Variants in IDO2 observed in about 807,000 individuals in gnomAD.
The protein encoded by IDO2 is indoleamine 2,3-dioxygenase 2.
IDO2 carries 46 observed loss-of-function variants against 45.1 expected under a neutral mutation model. The observed-to-expected ratio is 1.02, with a 90% CI of 0.80 to 1.30. The LOEUF is 1.30. Ranked by LOEUF, IDO2 falls within the 50% of genes most tolerant of loss-of-function variation. The probability of loss-of-function intolerance (pLI) is 0.00; values close to 1 mark genes in which losing one functional copy is unlikely to be tolerated. For missense variants in IDO2, 544 were observed against 491.8 expected, an observed-to-expected ratio of 1.11 and a Z score of -1.00; for synonymous variants, 218 against 184.9, an observed-to-expected ratio of 1.18 and a Z score of -1.45.
chr8:39,994,266 T>C lies in IDO2; in HGVS notation c.667+4428T>C, dbSNP rs150215325. Among the ~76,000 whole-genome samples the C allele has an allele frequency of 9.0e-3, 1,358 of 150,956 alleles. 20 individuals carry two copies. The highest frequency in any genetic ancestry group is 0.031 in the African/African-American group (1,289 of 41,356). On this transcript the variant is annotated intron_variant, in intron 8 of 10. Coordinates refer to ENST00000502986, the Ensembl canonical transcript of IDO2. ...ATTGTTTCTTTTTCTTTCTTTCTTT[T>C]TTTTTTTTGAGATGGAGTTTCGCTC...
chr8:40,003,222 T>G, intron 8 of IDO2, among the ~76,000 whole-genome samples: 1 of 151,948 alleles, frequency 6.6e-6, no homozygotes, highest in East Asian at 1.9e-4. Flanking sequence ...ACCCAAGAAT[T>G]ATCCAGGTGT....
At chr8:39,985,044 G>GC (rs1445924576) in intron 5 of IDO2, 3 of 324,602 alleles carry the variant, frequency 9.2e-6, no homozygotes, top group African/African-American at 6.7e-5. Flanking sequence ...CAATTCTCCT[G>GC]CCTCAGCCTC....
intron 3 of IDO2, among the ~76,000 whole-genome samples, chr8:39,971,748 T>G (rs1458584890): frequency 1.3e-5 from 2 of 152,180 alleles, no homozygotes; most frequent in African/African-American, 4.8e-5. Context: ...GTATGAGAAC[T>G]AAAATTAGAA....
chr8:39,948,167 T>C (rs1193655398), intron 1 of IDO2, among the ~76,000 whole-genome samples: 15 of 152,258 alleles, frequency 9.9e-5, no homozygotes. Flanking sequence ...GTATTTATTA[T>C]CTCATTTGCT....
At chr8:39,943,319 C>T (rs1385642009) in intron 1 of IDO2, among the ~76,000 whole-genome samples, 1 of 151,976 alleles carries the variant, frequency 6.6e-6, no homozygotes, top group African/African-American at 2.4e-5. Context: ...TGCAGTAAGC[C>T]GAGATTGTGC....
intron 1 of IDO2, among the ~76,000 whole-genome samples, chr8:39,944,486 T>G (rs1044755171): frequency 6.6e-6 from 1 of 152,190 alleles, no homozygotes; most frequent in East Asian, 1.9e-4. Flanking sequence ...GACTCCATCT[T>G]GGCTCTTTCA....
intron 2 of IDO2, among the ~76,000 whole-genome samples, chr8:39,954,199 T>A (rs1807855169): frequency 6.6e-6 from 1 of 152,194 alleles, no homozygotes; most frequent in South Asian, 2.1e-4. Flanking sequence ...CTAGTCCTCA[T>A]CTCCTGTCAT....
At chr8:39,995,114 C>CCAT (rs1802013210) in intron 8 of IDO2, 1 of 152,076 alleles carries the variant, frequency 6.6e-6, no homozygotes, top group Non-Finnish European at 1.5e-5. Flanking sequence ...AGGACACTTA[C>CCAT]CATCAGCCTA....
chr8:40,010,524 A>T (rs1367947564), intron 9 of IDO2, among the ~76,000 whole-genome samples: 1 of 152,220 alleles, frequency 6.6e-6, no homozygotes, highest in Non-Finnish European at 1.5e-5. Context: ...AAACTCCAAG[A>T]ATAAAGACGG....
intron 1 of IDO2, 71 bp downstream of exon 1, chr8:39,935,289 C>A: frequency 8.0e-7 from 1 of 1,250,908 alleles, no homozygotes. Flanking sequence ...CAATTTGGGG[C>A]TAGCAACTCA....
intron 2 of IDO2, among the ~76,000 whole-genome samples, chr8:39,959,003 T>G (rs952677908): frequency 2.0e-5 from 3 of 152,232 alleles, no homozygotes; most frequent in African/African-American, 7.2e-5. Context: ...ACCATCTCAC[T>G]TTACGGTGAC....
At chr8:39,964,838 A>C (rs922753750) in intron 3 of IDO2, among the ~76,000 whole-genome samples, 16 of 152,236 alleles carry the variant, frequency 1.1e-4, no homozygotes, top group African/African-American at 3.9e-4. Flanking sequence ...ATTTTTTTGA[A>C]CGTATTAAGC....
intron 1 of IDO2, among the ~76,000 whole-genome samples, chr8:39,937,998 G>A (rs780497595): frequency 2.6e-5 from 4 of 152,140 alleles, no homozygotes; most frequent in Non-Finnish European, 4.4e-5. Flanking sequence ...TGTAAAATGT[G>A]TATTTTATTT....
chr8:40,010,487 C>A (rs1339028265), intron 9 of IDO2, among the ~76,000 whole-genome samples: 2 of 152,200 alleles, frequency 1.3e-5, no homozygotes, highest in Non-Finnish European at 2.9e-5. Flanking sequence ...AGTTGCAAAT[C>A]ATCTCTGTAT....
At chr8:39,989,967 G>T in intron 8 of IDO2, 129 bp downstream of exon 8, 1 of 597,904 alleles carries the variant, frequency 1.7e-6, no homozygotes, top group Non-Finnish European at 3.0e-6. Flanking sequence ...TGACGCTGGT[G>T]GACTATCTTT....
At chr8:39,987,520 C>T (rs1808443296) in intron 6 of IDO2, 1 of 178,076 alleles carries the variant, frequency 5.6e-6, no homozygotes, top group Non-Finnish European at 1.2e-5. Flanking sequence ...AGAGCATGGA[C>T]TTGGCTGTTG....
At position 39,936,861 on chromosome 8, in the gene IDO2, C is replaced by T. The variant is rs954661516; in HGVS notation, c.-18+1643C>T. Among the ~76,000 whole-genome samples, 5 of 152,312 alleles carry T rather than the reference C, an allele frequency of 3.3e-5. No individual in the cohort carries two copies. In the East Asian group the frequency reaches 5.8e-4, roughly 18 times the overall value. ...CAAAGAAGAAAATAAACGTGGAAGTCGTCCTTCCTTTTTGGTATGCATAGA... is the reference window on the plus strand; with the variant it reads ...CAAAGAAGAAAATAAACGTGGAAGTTGTCCTTCCTTTTTGGTATGCATAGA... On this transcript the variant is annotated intron_variant, in intron 1 of 10. Coordinates refer to ENST00000502986, the Ensembl canonical transcript of IDO2.
At chr8:39,953,459 T>G (rs545257087) in intron 2 of IDO2, among the ~76,000 whole-genome samples, 3 of 152,242 alleles carry the variant, frequency 2.0e-5, no homozygotes, top group Non-Finnish European at 4.4e-5. Context: ...TTAGGCTCTA[T>G]GACTGATAGA....
chr8:40,009,330 T>A (rs1802276340), intron 9 of IDO2, among the ~76,000 whole-genome samples: 1 of 152,230 alleles, frequency 6.6e-6, no homozygotes, highest in African/African-American at 2.4e-5. Context: ...GCTTACTTTT[T>A]AAAAACATTT....
Sources: allele counts gnomAD v4.1 joint callset (sites outside exome capture counted in the v4.1 genomes callset), GRCh38; gene constraint gnomAD v4.1.1; transcripts MANE v1.5; gene names NCBI Gene and HGNC (gene_info 2026-07-23, HGNC 2026-07-21).